CHLSN: variants seen among roughly 807,000 people sequenced by gnomAD.
CHLSN encodes protein cholesin.
chr7:1,091,505 C>A, the CHLSN span: 2 of 527,870 alleles, frequency 3.8e-6, no homozygotes, highest in African/African-American at 1.9e-5. Flanking sequence ...CTCGCCTCCA[C>A]GGATGCACCA....
At chr7:1,070,190 G>A in the CHLSN span, among the ~76,000 whole-genome samples, 17 of 124,686 alleles carry the variant, frequency 1.4e-4, no homozygotes, top group African/African-American at 2.4e-4. Context: ...CTCTCCGCCC[G>A]GCAGCCACCC....
chr7:1,057,701 G>A, the CHLSN span: 37 of 774,674 alleles, frequency 4.8e-5, no homozygotes, highest in African/African-American at 4.4e-4. Context: ...TGACCATGCC[G>A]GACGTGTACT....
the CHLSN span, among the ~76,000 whole-genome samples, chr7:1,075,241 C>T: frequency 3.7e-3 from 559 of 152,192 alleles, 3 homozygotes; most frequent in African/African-American, 0.012. Context: ...AGGCCAGGGG[C>T]GGTGGCTCAC....
chr7:1,008,971 G>GCA, the CHLSN span, among the ~76,000 whole-genome samples: 1 of 149,930 alleles, frequency 6.7e-6, no homozygotes. Flanking sequence ...ACACATGCGT[G>GCA]CACACACACC....
At chr7:1,110,786 A>C in the CHLSN span, among the ~76,000 whole-genome samples, 2 of 152,218 alleles carry the variant, frequency 1.3e-5, no homozygotes, top group Admixed American at 1.3e-4. Context: ...ATCAGTACAG[A>C]AAAGATAAAT....
chr7:1,028,185 G>A, the CHLSN span: 2 of 963,070 alleles, frequency 2.1e-6, no homozygotes, highest in Non-Finnish European at 2.5e-6. Context: ...GTCGCCGCGG[G>A]GCGGGGCTGG....
the CHLSN span, among the ~76,000 whole-genome samples, chr7:1,031,108 C>T: frequency 6.6e-6 from 1 of 152,168 alleles, no homozygotes; most frequent in Non-Finnish European, 1.5e-5. Context: ...AGGTCCTGGT[C>T]AGGAGGAGGG....
the CHLSN span, chr7:989,003 C>G: frequency 1.8e-6 from 1 of 558,632 alleles, no homozygotes; most frequent in South Asian, 2.5e-5. Context: ...TACCCCTGCC[C>G]GACCCTGTGG....
the CHLSN span, chr7:1,137,894 T>C: frequency 6.6e-6 from 1 of 152,164 alleles, no homozygotes; most frequent in Non-Finnish European, 1.5e-5. Context: ...CCAGAGCCAC[T>C]GCAAGCCCTG....
the CHLSN span, among the ~76,000 whole-genome samples, chr7:1,007,277 C>T: frequency 9.7e-3 from 1,471 of 152,342 alleles, 16 homozygotes; most frequent in Non-Finnish European, 0.015. Context: ...CCATGGGCCA[C>T]GGCGGCCAGC....
At chr7:1,058,556 C>T in the CHLSN span, 39 of 746,314 alleles carry the variant, frequency 5.2e-5, no homozygotes, top group Non-Finnish European at 7.7e-5. Context: ...CTCTGGTGGA[C>T]GCAGAGCACT....
chr7:1,015,555 G>A, the CHLSN span, among the ~76,000 whole-genome samples: 6 of 152,238 alleles, frequency 3.9e-5, no homozygotes, highest in African/African-American at 1.4e-4. Flanking sequence ...AGGGAGCAGA[G>A]CCTTCACCTA....
At chr7:1,133,555 C>T in the CHLSN span, among the ~76,000 whole-genome samples, 1 of 151,628 alleles carries the variant, frequency 6.6e-6, no homozygotes, top group Admixed American at 6.6e-5. Flanking sequence ...TCAAGACCAC[C>T]CTGGCTAACA....
At chr7:981,983 G>C in the CHLSN span, among the ~76,000 whole-genome samples, 3 of 152,158 alleles carry the variant, frequency 2.0e-5, no homozygotes, top group Admixed American at 2.0e-4. Context: ...CAGTGAGCCT[G>C]TACTCACAGC....
chr7:1,113,985 C>T, the CHLSN span, among the ~76,000 whole-genome samples: 1 of 152,212 alleles, frequency 6.6e-6, no homozygotes, highest in Non-Finnish European at 1.5e-5. Context: ...AACTTCCCGT[C>T]GACATAGATA....
chr7:1,080,170 T>G, the CHLSN span, among the ~76,000 whole-genome samples: 1 of 152,240 alleles, frequency 6.6e-6, no homozygotes, highest in African/African-American at 2.4e-5. Flanking sequence ...AAGCTAAATG[T>G]GCACACACTG....
chr7:1,070,624 ACAC>A, the CHLSN span, among the ~76,000 whole-genome samples: 1 of 145,068 alleles, frequency 6.9e-6, no homozygotes, highest in Non-Finnish European at 1.5e-5. Context: ...GCACACACGC[ACAC>A]AACACGCACA....
the CHLSN span, among the ~76,000 whole-genome samples, chr7:1,033,282 G>A: frequency 6.6e-6 from 1 of 152,210 alleles, no homozygotes; most frequent in Non-Finnish European, 1.5e-5. Context: ...ATTGGGCCGG[G>A]CGCAGTGGCT....
At chr7:1,004,391 G>T in the CHLSN span, among the ~76,000 whole-genome samples, 1 of 152,172 alleles carries the variant, frequency 6.6e-6, no homozygotes, top group Non-Finnish European at 1.5e-5. Flanking sequence ...CACTTCACGG[G>T]TGTTCCCAGA....
Sources: gnomAD v4.1 joint callset for allele counts (sites outside exome capture counted in the v4.1 genomes callset) on GRCh38, gnomAD v4.1.1 for gene constraint, MANE v1.5 for transcripts, NCBI Gene and HGNC (gene_info 2026-07-23, HGNC 2026-07-21) for gene names.